The following RALYL variants were observed in gnomAD, a reference collection of about 807,000 sequenced individuals.
The protein encoded by RALYL is RALY RNA binding protein like.
In RALYL, 29 loss-of-function variants were observed where a neutral mutation model predicts 35.1. That is an observed-to-expected ratio of 0.83 (90% CI 0.61 to 1.13). RALYL has a LOEUF of 1.13. Ranked by LOEUF, RALYL falls within the 50% of genes most tolerant of loss-of-function variation. The pLI is 0.00. For missense variants in RALYL, 359 were observed against 360.4 expected, an observed-to-expected ratio of 1.00 and a Z score of 0.03; for synonymous variants, 120 against 127.6, an observed-to-expected ratio of 0.94 and a Z score of 0.40.
chr8:84,621,356 T>C (rs1328748313), intron 2 of RALYL, among the ~76,000 whole-genome samples: 1 of 152,128 alleles, frequency 6.6e-6, no homozygotes, highest in Non-Finnish European at 1.5e-5. Context: ...GCCACCCAAT[T>C]TTCCAGGTGC....
chr8:84,492,503 C>T (rs1446498907), intron 1 of RALYL, among the ~76,000 whole-genome samples: 1 of 152,004 alleles, frequency 6.6e-6, no homozygotes, highest in African/African-American at 2.4e-5. Flanking sequence ...GCAGTCTGAC[C>T]TTACTTTATC....
At chr8:84,549,619 A>T (rs2060584735) in intron 2 of RALYL, among the ~76,000 whole-genome samples, 1 of 152,194 alleles carries the variant, frequency 6.6e-6, no homozygotes, top group South Asian at 2.1e-4. Flanking sequence ...AGCTAAAATA[A>T]GTAAACTACT....
intron 1 of RALYL, among the ~76,000 whole-genome samples, chr8:84,362,863 A>C (rs1853368800): frequency 6.6e-6 from 1 of 152,146 alleles, no homozygotes; most frequent in Non-Finnish European, 1.5e-5. Flanking sequence ...ATTTGAGTAG[A>C]AAAATAGAAG....
chr8:84,517,657 T>G (rs183090302), intron 1 of RALYL, among the ~76,000 whole-genome samples: 5 of 152,286 alleles, frequency 3.3e-5, no homozygotes, highest in Admixed American at 3.3e-4. Flanking sequence ...TGCCTGAGAA[T>G]GTGGAAGTAT....
At chr8:84,848,582 G>A (rs1312537370) in intron 4 of RALYL, among the ~76,000 whole-genome samples, 2 of 151,972 alleles carry the variant, frequency 1.3e-5, no homozygotes, top group Non-Finnish European at 2.9e-5. Flanking sequence ...AACAAATATT[G>A]TATGACTATA....
Position 84,280,535 on chromosome 8 carries a change from G to A in RALYL, c.-24+96111G>A, listed in dbSNP as rs1257949231. On this transcript the variant is annotated intron_variant, in intron 1 of 8. Transcript: ENST00000521268. ...GGGAGTTGAAAAATTTCAGACAGAG[G>A]TATTATTAGAAACTTAGTAATATAT... Among the ~76,000 whole-genome samples the A allele has an allele frequency of 3.3e-5, 5 of 151,714 alleles. No individual in the cohort carries two copies. The East Asian group carries it at 7.7e-4, about 24-fold the overall frequency.
intron 4 of RALYL, among the ~76,000 whole-genome samples, chr8:84,807,902 A>C (rs1825039698): frequency 6.6e-6 from 1 of 152,156 alleles, no homozygotes; most frequent in Non-Finnish European, 1.5e-5. Flanking sequence ...TTCATTGTAG[A>C]TTCTGGATAT....
chr8:84,381,840 T>G (rs1417251139), intron 1 of RALYL, among the ~76,000 whole-genome samples: 1 of 151,828 alleles, frequency 6.6e-6, no homozygotes, highest in Non-Finnish European at 1.5e-5. Flanking sequence ...TGGTTTTCTT[T>G]CCATCTACCT....
intron 8 of RALYL, among the ~76,000 whole-genome samples, chr8:84,893,619 C>A (rs139848209): frequency 1.1e-4 from 17 of 152,224 alleles, no homozygotes; most frequent in Non-Finnish European, 2.1e-4. Context: ...CCAGTGTTTT[C>A]CAAAGGAGAG....
At chr8:84,859,701 A>T (rs956448894) in intron 5 of RALYL, among the ~76,000 whole-genome samples, 1 of 151,942 alleles carries the variant, frequency 6.6e-6, no homozygotes, top group Non-Finnish European at 1.5e-5. Context: ...AATACAAAAA[A>T]ATTTATCCAG....
chr8:84,261,947 G>C (rs1050518589), intron 1 of RALYL, among the ~76,000 whole-genome samples: 1 of 151,996 alleles, frequency 6.6e-6, no homozygotes, highest in African/African-American at 2.4e-5. Flanking sequence ...CCTTGCAATA[G>C]ACTTCACATA....
chr8:84,453,885 C>G (rs1385759002), intron 1 of RALYL, among the ~76,000 whole-genome samples: 2 of 151,916 alleles, frequency 1.3e-5, no homozygotes, highest in Non-Finnish European at 2.9e-5. Context: ...TGTTGCCTAC[C>G]ATTTTGCAAA....
At chr8:84,669,334 C>A (rs80212434) in intron 2 of RALYL, among the ~76,000 whole-genome samples, 2,176 of 152,134 alleles carry the variant, frequency 0.014, 61 homozygotes, top group African/African-American at 0.049. Context: ...TTTTGGAACA[C>A]CCATGTGCTT....
At chr8:84,735,841 A>AGAGAGAGAGAAC (rs1180314583) in intron 2 of RALYL, among the ~76,000 whole-genome samples, 2 of 150,416 alleles carry the variant, frequency 1.3e-5, no homozygotes, top group African/African-American at 5.0e-5. Flanking sequence ...AGAGAGAGAG[A>AGAGAGAGAGAAC]GAGAGAGAAC....
At chr8:84,519,843 C>T (rs2058330134) in intron 1 of RALYL, among the ~76,000 whole-genome samples, 1 of 152,154 alleles carries the variant, frequency 6.6e-6, no homozygotes, top group African/African-American at 2.4e-5. Context: ...GGGATCTTTC[C>T]AAATGGGTTT....
At chr8:84,358,849 A>G (rs1852376938) in intron 1 of RALYL, among the ~76,000 whole-genome samples, 1 of 152,058 alleles carries the variant, frequency 6.6e-6, no homozygotes, top group African/African-American at 2.4e-5. Flanking sequence ...CCCTAGCATT[A>G]TAAGAACTAT....
At chr8:84,777,597 T>A (rs1037404157) in intron 3 of RALYL, among the ~76,000 whole-genome samples, 1 of 152,154 alleles carries the variant, frequency 6.6e-6, no homozygotes, top group African/African-American at 2.4e-5. Flanking sequence ...GGATGGTTTT[T>A]GCTTTCCTGT....
chr8:84,430,394 T>C (rs1456184094), intron 1 of RALYL, among the ~76,000 whole-genome samples: 1 of 152,194 alleles, frequency 6.6e-6, no homozygotes, highest in African/African-American at 2.4e-5. Context: ...TGGAATTTCT[T>C]TTAATTTTTG....
At chr8:84,259,537 T>C (rs1831812560) in intron 1 of RALYL, among the ~76,000 whole-genome samples, 1 of 152,210 alleles carries the variant, frequency 6.6e-6, no homozygotes, top group African/African-American at 2.4e-5. Context: ...GAGACCAGAA[T>C]ACAATCTTCC....
Sources: allele counts gnomAD v4.1 joint callset (sites outside exome capture counted in the v4.1 genomes callset), GRCh38; gene constraint gnomAD v4.1.1; transcripts MANE v1.5; gene names NCBI Gene and HGNC (gene_info 2026-07-23, HGNC 2026-07-21).